NTM: variants seen among roughly 807,000 people sequenced by gnomAD.
NTM encodes IgLON family member 2.
NTM carries 13 observed loss-of-function variants against 42.1 expected under a neutral mutation model. The ratio of observed to expected loss-of-function variants is 0.31; its 90% CI spans 0.20 to 0.49. NTM has a LOEUF of 0.49. Ranked by LOEUF, NTM falls within the 20% of genes least tolerant of loss-of-function variation. The pLI is 0.99. For synonymous variants in NTM, 187 were observed against 179.2 expected, an observed-to-expected ratio of 1.04 and a Z score of -0.35; for missense variants, 373 against 452.8, an observed-to-expected ratio of 0.82 and a Z score of 1.60.
At chr11:131,780,260 G>C (rs1190431720) in intron 1 of NTM, among the ~76,000 whole-genome samples, 1 of 152,120 alleles carries the variant, frequency 6.6e-6, no homozygotes, top group Non-Finnish European at 1.5e-5. Flanking sequence ...GCCACGCAGG[G>C]ACAGCAGGTG....
At chr11:131,780,968 A>T (rs2087988302) in intron 1 of NTM, among the ~76,000 whole-genome samples, 1 of 152,218 alleles carries the variant, frequency 6.6e-6, no homozygotes, top group Admixed American at 6.5e-5. Flanking sequence ...TTACACCTAA[A>T]ATGTAACGGA....
At chr11:131,947,377 G>A (rs1332385113) in intron 2 of NTM, among the ~76,000 whole-genome samples, 2 of 152,196 alleles carry the variant, frequency 1.3e-5, no homozygotes, top group African/African-American at 4.8e-5. Context: ...AACCCTCCCT[G>A]CCTGTGGAGT....
intron 1 of NTM, among the ~76,000 whole-genome samples, chr11:131,518,805 T>C (rs1007304695): frequency 1.3e-5 from 2 of 152,226 alleles, no homozygotes; most frequent in Non-Finnish European, 2.9e-5. Flanking sequence ...GATTGCATGC[T>C]ACTAAATGAG....
intron 4 of NTM, among the ~76,000 whole-genome samples, chr11:132,299,899 A>G (rs1430144265): frequency 6.6e-6 from 1 of 152,012 alleles, no homozygotes; most frequent in Non-Finnish European, 1.5e-5. Flanking sequence ...TGTAATATAT[A>G]TGTACGTATA....
In NTM at chr11:131,699,911, T is replaced by G. The variant is rs1295410369; in HGVS notation, c.83-211653T>G. ...CCATATCACTAGCCAAAGCAGCAGG[T>G]GTGTGTGTGTGTGTGTGTGTGTGTG... is the stretch of plus-strand genomic sequence containing the variant. On this transcript the variant is annotated intron_variant, in intron 1 of 8. Transcript: ENST00000683400. Among the ~76,000 whole-genome samples the G allele has an allele frequency of 7.0e-4, 7 of 10,006 alleles. No individual in the cohort carries two copies. The South Asian group carries it at 8.7e-3, about 12-fold the overall frequency. The allele number at this position is 10,006 out of a possible 152,430, so 6.6% of individuals were successfully genotyped here. A position where few individuals can be genotyped will look rare whatever the true frequency, so the allele number is the denominator to read the frequency against.
At chr11:131,376,189 C>A (rs114226353) in intron 1 of NTM, among the ~76,000 whole-genome samples, 1 of 152,156 alleles carries the variant, frequency 6.6e-6, no homozygotes, top group African/African-American at 2.4e-5. Flanking sequence ...GGACCATGGG[C>A]GAGTTCAGCC....
intron 1 of NTM, among the ~76,000 whole-genome samples, chr11:131,806,882 A>G (rs1280811987): frequency 1.3e-5 from 2 of 152,324 alleles, no homozygotes; most frequent in African/African-American, 2.4e-5. Context: ...ACAAATTTAC[A>G]TGGAGGAGAA....
At chr11:132,306,016 C>T (rs1363566972) in intron 4 of NTM, among the ~76,000 whole-genome samples, 1 of 152,162 alleles carries the variant, frequency 6.6e-6, no homozygotes, top group Non-Finnish European at 1.5e-5. Context: ...TCTGTACATA[C>T]ATAGTGTAGT....
At position 132,177,155 on chromosome 11, in the gene NTM, G is replaced by A. The variant is rs78210549; in HGVS notation, c.400+30641G>A. On this transcript the variant is annotated intron_variant, in intron 3 of 8. Coordinates refer to ENST00000683400, the MANE Select transcript of NTM (RefSeq NM_001352005.2). ...CTCAGCAAAGTGAAGGTGATTATCAGCATTTTAAATGCTGTGACATTTTGC... is the reference window on the plus strand; with the variant it reads ...CTCAGCAAAGTGAAGGTGATTATCAACATTTTAAATGCTGTGACATTTTGC... Among the ~76,000 whole-genome samples, 40 of 152,260 alleles carry A rather than the reference G, an allele frequency of 2.6e-4. No homozygotes were observed. The East Asian group carries it at 6.9e-3, about 26-fold the overall frequency.
intron 2 of NTM, among the ~76,000 whole-genome samples, chr11:132,014,908 T>C (rs931612645): frequency 7.9e-5 from 12 of 151,984 alleles, no homozygotes; most frequent in Non-Finnish European, 1.6e-4. Context: ...TGGTCCCATT[T>C]GTCTATTTTT....
chr11:132,057,800 T>A (rs2079936154), intron 2 of NTM, among the ~76,000 whole-genome samples: 1 of 152,184 alleles, frequency 6.6e-6, no homozygotes, highest in Non-Finnish European at 1.5e-5. Flanking sequence ...ACTCAAAATA[T>A]CCTGCAGCTG....
intron 1 of NTM, among the ~76,000 whole-genome samples, chr11:131,818,704 T>C (rs1283560909): frequency 6.6e-6 from 1 of 152,210 alleles, no homozygotes; most frequent in African/African-American, 2.4e-5. Flanking sequence ...GCCTTATCGG[T>C]GGCTGGAGAT....
At chr11:131,979,630 AGGGG>A (rs2064944235) in intron 2 of NTM, among the ~76,000 whole-genome samples, 1 of 152,214 alleles carries the variant, frequency 6.6e-6, no homozygotes, top group Non-Finnish European at 1.5e-5. Context: ...TAATCCAATA[AGGGG>A]TTATTGTTTG....
intron 1 of NTM, among the ~76,000 whole-genome samples, chr11:131,560,619 T>C (rs1248215893): frequency 6.6e-6 from 1 of 152,238 alleles, no homozygotes; most frequent in African/African-American, 2.4e-5. Context: ...GTCACATCTT[T>C]TGAATATGAA....
intron 2 of NTM, among the ~76,000 whole-genome samples, chr11:132,122,951 A>G (rs79473349): frequency 0.013 from 2,007 of 152,276 alleles, 23 homozygotes; most frequent in Non-Finnish European, 0.02. Flanking sequence ...AGCAAGGGAG[A>G]TGGAAAACAT....
chr11:131,456,203 C>T (rs1565519387), intron 1 of NTM, among the ~76,000 whole-genome samples: 1 of 152,162 alleles, frequency 6.6e-6, no homozygotes, highest in South Asian at 2.1e-4. Context: ...TAAAACTGGT[C>T]TCAGAGTTTG....
At chr11:132,091,913 GAATA>G (rs1163762087) in intron 2 of NTM, among the ~76,000 whole-genome samples, 1 of 152,040 alleles carries the variant, frequency 6.6e-6, no homozygotes, top group African/African-American at 2.4e-5. Context: ...GAAAACAGAT[GAATA>G]AATAAATTAA....
intron 1 of NTM, among the ~76,000 whole-genome samples, chr11:131,895,377 C>A (rs1348795377): frequency 6.6e-6 from 1 of 152,100 alleles, no homozygotes; most frequent in African/African-American, 2.4e-5. Context: ...TCATTTACAG[C>A]TTCGTTTTCT....
chr11:131,912,977 C>G (rs1162327600), intron 2 of NTM, among the ~76,000 whole-genome samples: 1 of 152,154 alleles, frequency 6.6e-6, no homozygotes, highest in Non-Finnish European at 1.5e-5. Context: ...GATCCTTTGT[C>G]TAGGCAAAGC....
Sources: allele counts gnomAD v4.1 joint callset (sites outside exome capture counted in the v4.1 genomes callset), GRCh38; gene constraint gnomAD v4.1.1; transcripts MANE v1.5; gene names NCBI Gene and HGNC (gene_info 2026-07-23, HGNC 2026-07-21).